The following GARNL3 variants were observed in gnomAD, a reference collection of about 807,000 sequenced individuals.
The protein encoded by GARNL3 is GTPase activating Rap/RanGAP domain like 3.
GARNL3 carries 63 observed loss-of-function variants against 125.0 expected under a neutral mutation model. The observed-to-expected ratio is 0.50, with a 90% confidence interval of 0.41 to 0.62. GARNL3 has a LOEUF of 0.62. Ranked by LOEUF, GARNL3 falls within the 20% of genes least tolerant of loss-of-function variation. The pLI, the probability that GARNL3 is intolerant of heterozygous loss-of-function variation, is 0.00. For missense variants in GARNL3, 994 were observed against 1,244.0 expected (o/e 0.80, Z 3.02); for synonymous variants, 439 against 457.5 (o/e 0.96, Z 0.52).
intron 2 of GARNL3, among the ~76,000 whole-genome samples, chr9:127,254,830 G>A (rs2063469763): frequency 6.6e-6 from 1 of 150,842 alleles, no homozygotes. Flanking sequence ...AAAAGGAGGG[G>A]GACAAAAGAT....
intron 2 of GARNL3, among the ~76,000 whole-genome samples, chr9:127,295,115 GA>G (rs2064548381): frequency 6.6e-6 from 1 of 152,182 alleles, no homozygotes; most frequent in Non-Finnish European, 1.5e-5. Context: ...CTAGTACACA[GA>G]ACCCACCTTA....
chr9:127,359,363 G>A (rs1298076285), intron 21 of GARNL3, among the ~76,000 whole-genome samples: 13 of 152,244 alleles, frequency 8.5e-5, no homozygotes, highest in Admixed American at 7.8e-4. Context: ...GGTGGCACAC[G>A]CCTGTAATCC....
intron 22 of GARNL3, among the ~76,000 whole-genome samples, chr9:127,375,766 C>T (rs539164334): frequency 1.3e-5 from 2 of 152,292 alleles, no homozygotes; most frequent in East Asian, 3.9e-4. Flanking sequence ...AAAGGCATTG[C>T]GACTGCCTTA....
At chr9:127,377,169 A>G (rs964705152) in intron 22 of GARNL3, among the ~76,000 whole-genome samples, 26 of 152,364 alleles carry the variant, frequency 1.7e-4, no homozygotes, top group African/African-American at 6.0e-4. Context: ...AAGCTACAAT[A>G]ATTAACACAG....
chr9:127,245,169 T>C (rs2063276467), intron 2 of GARNL3, among the ~76,000 whole-genome samples: 1 of 152,230 alleles, frequency 6.6e-6, no homozygotes, highest in African/African-American at 2.4e-5. Flanking sequence ...GCAGTGGAGC[T>C]GGCCCGCTGC....
rs974025204 is a variant in GARNL3, at chr9:127,359,076, G to A, written c.2094+1699G>A. 2.6e-5 allele frequency among the ~76,000 whole-genome samples: 4 copies of A among 152,060 alleles called. No homozygotes were observed. The East Asian group carries it at 5.8e-4, about 22-fold the overall frequency. ...CCTGAAACTTCCTAATTTAAAGCTG[G>A]GAGGAATGCCGCCCACTCCCCCCAC... On this transcript the variant is annotated intron_variant, in intron 21 of 27. Transcript: ENST00000373387.
In GARNL3 at chr9:127,389,002, A is replaced by G; in HGVS notation, c.2626A>G (p.Ile876Val). The part of the protein sequence containing the change: ...PLKSPLVSKV[I>V]TPPTPISVGL... The stretch of plus-strand genomic sequence containing the variant: ...GAAGTCACCCTTAGTCTCCAAGGTC[A>G]TCACCCCACCCACTCCCATCAGTGT... The change falls in exon 26 of 28, where the codon ATC (isoleucine) becomes GTC (valine). Residue 876 changes from isoleucine (I) to valine (V), a missense_variant. Ile to Val is a conservative substitution (Grantham distance 29). Transcript: ENST00000373387. 1 of 1,613,772 alleles carries G rather than the reference A, an allele frequency of 6.2e-7. No individual in the cohort carries two copies. The highest frequency in any genetic ancestry group is 2.2e-5 in the East Asian group (1 of 44,890).
At chr9:127,234,959 G>A (rs555831782) in intron 1 of GARNL3, among the ~76,000 whole-genome samples, 2 of 152,202 alleles carry the variant, frequency 1.3e-5, no homozygotes, top group Admixed American at 6.5e-5. Context: ...GAGAGACACA[G>A]ACATTAGATC....
rs1401892370 is a variant in GARNL3 at position 127,385,019 on chromosome 9, C to T, written c.2270-8C>T. ...CAGCTGGGAGGTGACACTCCCGTTC[C>T]CTTGCAGTCTGTGCTTTCCCGTATC... On this transcript the variant is annotated splice_polypyrimidine_tract_variant and splice_region_variant and intron_variant, in intron 23 of 27. Coordinates refer to ENST00000373387, the MANE Select transcript of GARNL3 (RefSeq NM_032293.5). The surrounding 1 kb of genome is among the most constrained non-coding windows in gnomAD (Gnocchi z 4.1). 6.3e-7 allele frequency: 1 copy of T among 1,589,836 alleles called. No homozygotes were observed. The highest frequency in any genetic ancestry group is 1.3e-5 in the African/African-American group (1 of 74,512).
rs185903187 is a variant in GARNL3 at position 127,383,764 on chromosome 9, T to C, written c.2269+219T>C. Among the ~76,000 whole-genome samples the C allele has an allele frequency of 1.0e-3, 158 of 152,342 alleles. 1 individual carries two copies. The highest frequency in any genetic ancestry group is 3.7e-3 in the African/African-American group (154 of 41,582). On this transcript the variant is annotated intron_variant, in intron 23 of 27. Coordinates refer to ENST00000373387, the MANE Select transcript of GARNL3 (RefSeq NM_032293.5). The stretch of plus-strand genomic sequence containing the variant: ...GTTCTTCCTAGTTTCTCTCAGTGCC[T>C]GAGCATGTATGCATTTGAGAGCAAT...
rs1375844584 is a variant in GARNL3, at chr9:127,339,744, A to T, written c.1128A>T (p.Leu376=). 6.2e-7 allele frequency: 1 copy of T among 1,605,988 alleles called. No individual in the cohort carries two copies. Among genetic ancestry groups the T allele is most frequent in the Admixed American group, 1.7e-5 (1 of 60,018 alleles). The change falls in exon 13 of 28, where the codon CTA becomes CTT. Residue 376 remains leucine (L), a synonymous_variant. Transcript: ENST00000373387. ...TDHQEFRDFL[L]VKLINGEKAT... is the part of the protein sequence containing the mutation. ...ACCAGGAATTCAGGGACTTTTTGCT[A>T]GTGAAATGTAAGTTTCTGTTTTGAA...
At chr9:127,256,189 C>T (rs2063492571) in intron 2 of GARNL3, among the ~76,000 whole-genome samples, 1 of 152,192 alleles carries the variant, frequency 6.6e-6, no homozygotes, top group African/African-American at 2.4e-5. Flanking sequence ...GGAAAACCCT[C>T]AAGTGTTGAC....
intron 1 of GARNL3, among the ~76,000 whole-genome samples, chr9:127,281,060 G>A (rs1564876415): frequency 6.6e-6 from 1 of 152,124 alleles, no homozygotes; most frequent in South Asian, 2.1e-4. Flanking sequence ...GGGTGTGAGC[G>A]AGTGACTTGA....
At chr9:127,225,329 CG>C (rs2062887298) in intron 1 of GARNL3, 1 of 983,938 alleles carries the variant, frequency 1.0e-6, no homozygotes, top group Non-Finnish European at 1.2e-6. Context: ...CGGAGCCCGG[CG>C]GGGTGGCCGC....
At position 127,296,016 on chromosome 9, in the gene GARNL3, A is replaced by T. The variant is rs114161821; in HGVS notation, c.219+4774A>T. ...CATCTGGGAGTTATAGGAGACAGTG[A>T]CAAATCATCAGGCATTGGATTCTCA... On this transcript the variant is annotated intron_variant, in intron 2 of 27. Coordinates refer to ENST00000373387, the MANE Select transcript of GARNL3 (RefSeq NM_032293.5). 4.1e-3 allele frequency among the ~76,000 whole-genome samples: 629 copies of T among 152,334 alleles called. 6 individuals are homozygous for T. Among genetic ancestry groups the T allele is most frequent in the African/African-American group, 0.015 (606 of 41,572 alleles).
At chr9:127,265,390 A>G (rs1024623010) in intron 1 of GARNL3, among the ~76,000 whole-genome samples, 1 of 152,190 alleles carries the variant, frequency 6.6e-6, no homozygotes, top group African/African-American at 2.4e-5. Flanking sequence ...TATTATTGAA[A>G]TACGTATTCT....
At chr9:127,225,335 G>A (rs1417278214) in intron 1 of GARNL3, 2 of 984,494 alleles carry the variant, frequency 2.0e-6, no homozygotes, top group South Asian at 9.4e-5. Flanking sequence ...CCGGCGGGGT[G>A]GCCGCTGCGC....
chr9:127,315,874 C>T (rs923507613), intron 4 of GARNL3, among the ~76,000 whole-genome samples: 13 of 152,302 alleles, frequency 8.5e-5, no homozygotes, highest in African/African-American at 3.1e-4. Context: ...TCTAGACATC[C>T]GTCCCTGTAG....
At chr9:127,327,711 G>A (rs560451162) in intron 7 of GARNL3, among the ~76,000 whole-genome samples, 17 of 152,172 alleles carry the variant, frequency 1.1e-4, no homozygotes, top group African/African-American at 3.6e-4. Flanking sequence ...ATTTTTATCC[G>A]TATTTTGTCC....
Sources: allele counts gnomAD v4.1 joint callset (sites outside exome capture counted in the v4.1 genomes callset), GRCh38; gene constraint gnomAD v4.1.1; non-coding constraint Gnocchi (gnomAD v3.1); transcripts MANE v1.5; gene names NCBI Gene and HGNC (gene_info 2026-07-23, HGNC 2026-07-21).